The following CA9 variants were observed in gnomAD, a reference collection of about 807,000 sequenced individuals.
The protein encoded by CA9 is carbonic anhydrase 9.
CA9 carries 43 observed loss-of-function variants against 51.8 expected under a neutral mutation model. That is an observed-to-expected ratio of 0.83 (90% confidence interval 0.65 to 1.07). CA9 has a LOEUF of 1.07. Among genes scored for constraint, CA9 ranks in the 50% least tolerant of loss-of-function variants. The probability of loss-of-function intolerance (pLI) is 0.00; values close to 1 mark genes in which losing one functional copy is unlikely to be tolerated. For synonymous variants in CA9, 253 were observed against 244.2 expected (o/e 1.04, Z -0.34); for missense variants, 574 against 581.4 (o/e 0.99, Z 0.13).
At chr9:35,679,784 T>G in intron 7 of CA9, 70 bp from the exon 8 acceptor site, 285 of 1,478,816 alleles carry the variant, frequency 1.9e-4, no homozygotes, top group Non-Finnish European at 2.4e-4. Context: ...GTGCTGGTTG[T>G]GAGCTGGCCT....
At chr9:35,676,667 T>C (rs928567159) in intron 5 of CA9, among the ~76,000 whole-genome samples, 1 of 152,022 alleles carries the variant, frequency 6.6e-6, no homozygotes, top group Non-Finnish European at 1.5e-5. Flanking sequence ...AAGATGGTGG[T>C]CACAGAGGAG....
At chr9:35,678,075 G>A (rs566291224) in intron 6 of CA9, among the ~76,000 whole-genome samples, 4 of 152,156 alleles carry the variant, frequency 2.6e-5, no homozygotes, top group African/African-American at 7.2e-5. Flanking sequence ...CGCCGGGCAC[G>A]GTGGCTCACG....
intron 1 of CA9, 109 bp downstream of exon 1, chr9:35,674,471 C>A: frequency 1.0e-6 from 1 of 1,002,900 alleles, no homozygotes; most frequent in East Asian, 2.4e-5. Context: ...ACTGTACTCC[C>A]CACAGAAGCC....
rs1824417160 is a variant in CA9, at chr9:35,676,142, ACTGGGGGGCTGCAGGTCGTCCGGGCT to A, written c.685_710del (p.Trp229GlyfsTer26). ...TACCGGGCTCTGCAGCTGCATCTGCACTGGGGGGCTGCAGGTCGTCCGGGCTCGGAGCACACTGTGGAAGGCCACCG... is the reference window on the plus strand; with the variant it reads ...TACCGGGCTCTGCAGCTGCATCTGCACGGAGCACACTGTGGAAGGCCACCG... On this transcript the variant is annotated frameshift_variant, in exon 4 of 11. Transcript: ENST00000378357. LOFTEE classifies it high-confidence loss of function. 6.2e-7 allele frequency: 1 copy of A among 1,613,232 alleles called. No individual in the cohort carries two copies. The highest frequency in any genetic ancestry group is 1.3e-5 in the African/African-American group (1 of 74,914).
chr9:35,677,389 T>C (rs1040171928), intron 5 of CA9, among the ~76,000 whole-genome samples: 5 of 152,034 alleles, frequency 3.3e-5, no homozygotes, highest in Admixed American at 6.6e-5. Flanking sequence ...CAAAGGTGTA[T>C]ATATGGTTTC....
In CA9 at chr9:35,674,092, G is replaced by A. The variant is rs770545982; in HGVS notation, c.133G>A (p.Glu45Lys). 3.7e-6 allele frequency: 6 copies of A among 1,614,074 alleles called. No homozygotes were observed. Among genetic ancestry groups the A allele is most frequent in the Non-Finnish European group, 4.2e-6 (5 of 1,180,020 alleles). ...VHPQRLPRMQEDSPLGGGSSG... is the reference protein window; with the variant it reads ...VHPQRLPRMQKDSPLGGGSSG... The stretch of plus-strand genomic sequence containing the variant: ...TCCCCAGAGGTTGCCCCGGATGCAG[G>A]AGGATTCCCCCTTGGGAGGAGGCTC... Residue 45 changes from glutamate (E) to lysine (K), a missense_variant, in exon 1 of 11, where the codon GAG (glutamate) becomes AAG (lysine). Transcript: ENST00000378357.
chr9:35,676,369 G>A lies in CA9; in HGVS notation c.820G>A (p.Val274Met). ...EALGRPGGLAVLAAFLEEGPE... is the reference protein window; with the variant it reads ...EALGRPGGLAMLAAFLEEGPE... The stretch of plus-strand genomic sequence containing the variant: ...CTTGGGGCGCCCGGGAGGCCTGGCC[G>A]TGTTGGCCGCCTTTCTGGAGGTACC... Residue 274 changes from valine (V) to methionine (M), a missense_variant, in exon 5 of 11, where the codon GTG becomes ATG. By Grantham distance (21) the Val-to-Met change is conservative. Coordinates refer to ENST00000378357, the MANE Select transcript of CA9 (RefSeq NM_001216.3). 3 of 1,613,584 alleles carry A rather than the reference G, an allele frequency of 1.9e-6. No homozygotes were observed. Among genetic ancestry groups the A allele is most frequent in the Admixed American group, 1.7e-5 (1 of 59,984 alleles).
At chr9:35,679,450 C>T (rs1824487348) in intron 7 of CA9, 108 bp downstream of exon 7, 2 of 1,376,796 alleles carry the variant, frequency 1.5e-6, no homozygotes, top group Admixed American at 4.8e-5. Context: ...GTGGCTTACG[C>T]CTATAATCCC....
chr9:35,677,898 C>T (rs1428319162), intron 6 of CA9, 42 bp downstream of exon 6: 4 of 1,543,134 alleles, frequency 2.6e-6, no homozygotes, highest in Non-Finnish European at 3.6e-6. Flanking sequence ...TGGCCTAGTT[C>T]ATAAAGAATC....
At chr9:35,678,325 A>G (rs1315141566) in intron 6 of CA9, among the ~76,000 whole-genome samples, 54 of 150,186 alleles carry the variant, frequency 3.6e-4, no homozygotes, top group African/African-American at 1.3e-3. Context: ...CAGCCTGGGC[A>G]ACAGAGCGAG....
exon 11 of CA9, chr9:35,681,158 AAT>A (rs1396848150): frequency 5.6e-6 from 3 of 532,276 alleles, no homozygotes; most frequent in East Asian, 3.3e-5. Context: ...TTTATAATAA[AAT>A]ATGTGTTAGT....
chr9:35,675,678 C>T, intron 2 of CA9, 83 bp from the exon 3 acceptor site: 2 of 1,223,616 alleles, frequency 1.6e-6, no homozygotes, highest in Non-Finnish European at 2.4e-6. Context: ...CGCCCACCGT[C>T]CCACCCCCTC....
intron 7 of CA9, 40 bp from the exon 8 acceptor site, chr9:35,679,809 CTGTCA>C: frequency 6.5e-7 from 1 of 1,532,322 alleles, no homozygotes; most frequent in Non-Finnish European, 8.8e-7. Context: ...CCCTTGTTTC[CTGTCA>C]TGCCATGAAC....
chr9:35,681,008 GCCGAGA>G lies in CA9; in HGVS notation c.1365_1370del (p.Glu456_Thr457del), dbSNP rs1460035417. On this transcript the variant is annotated inframe_deletion, in exon 11 of 11. Transcript: ENST00000378357. ...TGTGAGCTACCGCCCAGCAGAGGTA[GCCGAGA>G]CTGGAGCCTAGAGGCTGGATCTTGG... 6.2e-7 allele frequency: 1 copy of G among 1,614,006 alleles called. No individual in the cohort carries two copies. Among genetic ancestry groups the G allele is most frequent in the Admixed American group, 1.7e-5 (1 of 59,992 alleles).
intron 6 of CA9, among the ~76,000 whole-genome samples, chr9:35,678,874 TA>T (rs1483906337): frequency 6.6e-6 from 1 of 152,128 alleles, no homozygotes; most frequent in Non-Finnish European, 1.5e-5. Flanking sequence ...TTTATGATGG[TA>T]CACAGAGTTA....
intron 6 of CA9, 111 bp from the exon 7 acceptor site, chr9:35,679,074 G>A (rs1426717966): frequency 1.7e-6 from 2 of 1,143,360 alleles, no homozygotes; most frequent in Middle Eastern, 2.0e-4. Flanking sequence ...CGAAGAAGTG[G>A]TCTCAGAGTT....
chr9:35,676,904 G>A (rs994594910), intron 5 of CA9, among the ~76,000 whole-genome samples: 1 of 152,170 alleles, frequency 6.6e-6, no homozygotes, highest in African/African-American at 2.4e-5. Context: ...CCAGGCTGGA[G>A]TGCAGTGGTG....
chr9:35,678,324 C>A (rs1824463401), intron 6 of CA9, among the ~76,000 whole-genome samples: 3 of 127,262 alleles, frequency 2.4e-5, no homozygotes, highest in African/African-American at 8.7e-5. Flanking sequence ...CCAGCCTGGG[C>A]AACAGAGCGA....
chr9:35,678,191 G>A (rs1302813995), intron 6 of CA9, among the ~76,000 whole-genome samples: 7 of 151,434 alleles, frequency 4.6e-5, no homozygotes, highest in Admixed American at 3.3e-4. Context: ...CTAAAAATAC[G>A]AAAAAATAGC....
Sources: gnomAD v4.1 joint callset for allele counts (sites outside exome capture counted in the v4.1 genomes callset) on GRCh38, gnomAD v4.1.1 for gene constraint, MANE v1.5 for transcripts, NCBI Gene and HGNC (gene_info 2026-07-23, HGNC 2026-07-21) for gene names.